Variants in ABHD17C observed in about 807,000 individuals in gnomAD.
ABHD17C encodes abhydrolase domain containing 17C, depalmitoylase, also known as alpha/beta hydrolase domain-containing protein 17C.
A neutral mutation model predicts 27.9 loss-of-function variants in ABHD17C; 11 were observed. That is an observed-to-expected ratio of 0.39 (90% CI 0.25 to 0.65). The LOEUF is 0.65. Among genes scored for constraint, ABHD17C ranks in the 30% least tolerant of loss-of-function variants. The probability of loss-of-function intolerance (pLI) is 0.45; values close to 1 mark genes in which losing one functional copy is unlikely to be tolerated. For synonymous variants in ABHD17C, 233 were observed against 209.1 expected (o/e 1.11, Z -0.98); for missense variants, 280 against 470.2 (o/e 0.60, Z 3.74).
chr15:80,713,992 C>T (rs1894768946), intron 1 of ABHD17C, among the ~76,000 whole-genome samples: 1 of 152,006 alleles, frequency 6.6e-6, no homozygotes, highest in East Asian at 1.9e-4. Context: ...CTTGCTCTGT[C>T]ACCCAGGCTG....
Position 80,754,822 on chromosome 15 carries a change from G to A in ABHD17C, c.*452G>A, listed in dbSNP as rs1895412617. 1.3e-5 allele frequency: 2 copies of A among 155,126 alleles called. No individual in the cohort carries two copies. Among genetic ancestry groups the A allele is most frequent in the Non-Finnish European group, 1.4e-5 (1 of 69,940 alleles). The allele number at this position is 155,126 out of a possible 1,614,324, so 9.6% of individuals were successfully genotyped here. ...CTGTGATAGTGTAACTGGAAAGCTA[G>A]TGTGGTGAAAATTCCTTTATTATTT... is the stretch of plus-strand genomic sequence containing the variant. On this transcript the variant is annotated 3_prime_UTR_variant, in exon 3 of 3. Coordinates refer to ENST00000258884, the MANE Select transcript of ABHD17C (RefSeq NM_021214.2).
intron 2 of ABHD17C, among the ~76,000 whole-genome samples, chr15:80,751,436 A>G (rs1189071886): frequency 6.6e-6 from 1 of 152,208 alleles, no homozygotes. Context: ...TAAGTAATTT[A>G]TTGAATTAAG....
chr15:80,734,982 A>G (rs1343747463), intron 1 of ABHD17C, among the ~76,000 whole-genome samples: 2 of 152,320 alleles, frequency 1.3e-5, no homozygotes, highest in East Asian at 3.9e-4. Flanking sequence ...GCATTATGGT[A>G]TCATCATCTC....
At chr15:80,705,658 T>A (rs1427238222) in intron 1 of ABHD17C, among the ~76,000 whole-genome samples, 1 of 152,160 alleles carries the variant, frequency 6.6e-6, no homozygotes, top group Admixed American at 6.5e-5. Context: ...AGAAGTTGCT[T>A]CTTTTCCCAC....
chr15:80,709,816 A>G (rs1318340395), intron 1 of ABHD17C, among the ~76,000 whole-genome samples: 2 of 152,052 alleles, frequency 1.3e-5, no homozygotes, highest in African/African-American at 2.4e-5. Flanking sequence ...GAATTCTGAA[A>G]TACTCCTTTC....
chr15:80,749,973 T>A (rs1330934893), intron 2 of ABHD17C, among the ~76,000 whole-genome samples: 1 of 152,192 alleles, frequency 6.6e-6, no homozygotes, highest in East Asian at 1.9e-4. Flanking sequence ...ACAGGATTTT[T>A]AACAGCACCC....
chr15:80,742,534 A>G (rs1375582384), intron 1 of ABHD17C, among the ~76,000 whole-genome samples: 1 of 152,156 alleles, frequency 6.6e-6, no homozygotes, highest in Non-Finnish European at 1.5e-5. Context: ...TACCCAGTCT[A>G]CTGATTTAAT....
rs57751486 is a variant in ABHD17C at position 80,723,138 on chromosome 15, A to ATGTGTGTGTGTGTGTGTG, written c.591-26363_591-26346dup. Among the ~76,000 whole-genome samples, 793 of 124,998 alleles carry ATGTGTGTGTGTGTGTGTG rather than the reference A, an allele frequency of 6.3e-3. 2 individuals carry two copies. The highest frequency in any genetic ancestry group is 0.015 in the East Asian group (50 of 3,242). The allele number at this position is 124,998 out of a possible 152,430, so 82.0% of individuals were successfully genotyped here. A position where few individuals can be genotyped will look rare whatever the true frequency, so the allele number is the denominator to read the frequency against. ...TTCCATTGTTTGTGTGTGTGTATAT[A>ATGTGTGTGTGTGTGTGTG]TGTGTGTGTGTGTGTGTGTGTGTGT... On this transcript the variant is annotated intron_variant, in intron 1 of 2. Transcript: ENST00000258884.
chr15:80,722,814 A>G (rs963500451), intron 1 of ABHD17C, among the ~76,000 whole-genome samples: 1 of 152,168 alleles, frequency 6.6e-6, no homozygotes, highest in African/African-American at 2.4e-5. Context: ...ATCACGTAGC[A>G]TGTGTCTTTC....
Position 80,749,573 on chromosome 15 carries a change from G to T in ABHD17C, c.651G>T (p.Thr217=), listed in dbSNP as rs763009248. 1.2e-6 allele frequency: 2 copies of T among 1,613,876 alleles called. No homozygotes were observed. The highest frequency in any genetic ancestry group is 4.5e-5 in the East Asian group (2 of 44,876). Residue 217 remains threonine (T), a synonymous_variant, in exon 2 of 3, where the codon ACG becomes ACT. Coordinates refer to ENST00000258884, the MANE Select transcript of ABHD17C (RefSeq NM_021214.2). The part of the protein sequence containing the change: ...LYGQSIGTVP[T]VDLASRYECA... The stretch of plus-strand genomic sequence containing the variant: ...GTCAGAGCATTGGGACTGTCCCCAC[G>T]GTAGACTTGGCCTCGAGGTATGAAT...
intron 1 of ABHD17C, among the ~76,000 whole-genome samples, chr15:80,741,481 A>C (rs931356906): frequency 6.6e-6 from 1 of 150,582 alleles, no homozygotes; most frequent in Non-Finnish European, 1.5e-5. Flanking sequence ...AGCCCTGTAC[A>C]TGCAGCAAAA....
chr15:80,739,662 T>TC (rs1329742288), intron 1 of ABHD17C, among the ~76,000 whole-genome samples: 7 of 152,202 alleles, frequency 4.6e-5, no homozygotes, highest in African/African-American at 1.7e-4. Context: ...GAGAAAGGCT[T>TC]CCTGAAGCCT....
intron 1 of ABHD17C, among the ~76,000 whole-genome samples, chr15:80,739,769 G>A (rs1461852015): frequency 1.3e-5 from 2 of 152,138 alleles, no homozygotes; most frequent in African/African-American, 2.4e-5. Context: ...TCAGTCTCAG[G>A]TATTCCTTTA....
chr15:80,740,928 A>T (rs1009652016), intron 1 of ABHD17C, among the ~76,000 whole-genome samples: 1 of 152,180 alleles, frequency 6.6e-6, no homozygotes, highest in Non-Finnish European at 1.5e-5. Flanking sequence ...AGTCAGGACC[A>T]CAGATTTCAT....
chr15:80,745,751 C>G (rs1895274039), intron 1 of ABHD17C, among the ~76,000 whole-genome samples: 1 of 152,162 alleles, frequency 6.6e-6, no homozygotes, highest in South Asian at 2.1e-4. Flanking sequence ...ACCCACGTAA[C>G]CAAAAACCGC....
intron 1 of ABHD17C, among the ~76,000 whole-genome samples, chr15:80,725,594 C>T (rs1177237865): frequency 6.6e-6 from 1 of 152,168 alleles, no homozygotes; most frequent in Non-Finnish European, 1.5e-5. Flanking sequence ...CTCATTGCAG[C>T]CGTGAACTTC....
chr15:80,732,008 G>T (rs1219340899), intron 1 of ABHD17C, among the ~76,000 whole-genome samples: 1 of 152,214 alleles, frequency 6.6e-6, no homozygotes, highest in Non-Finnish European at 1.5e-5. Context: ...TGCACTCATT[G>T]TATGGAATGT....
intron 1 of ABHD17C, chr15:80,703,385 A>C (rs1453811618): frequency 6.6e-6 from 1 of 152,200 alleles, no homozygotes; most frequent in African/African-American, 2.4e-5. Context: ...AAGACACTTC[A>C]CACTTCTGGG....
Position 80,695,591 on chromosome 15 carries a change from G to C in ABHD17C, c.162G>C (p.Ala54=). 1.8e-6 allele frequency: 2 copies of C among 1,106,156 alleles called. No homozygotes were observed. The highest frequency in any genetic ancestry group is 4.0e-4 in the Middle Eastern group (1 of 2,530). 68.5% of individuals were successfully genotyped at this position (1,106,156 alleles called of 1,614,324 possible). The change falls in exon 1 of 3, where the codon GCG becomes GCC. Residue 54 remains alanine, a synonymous_variant. Coordinates refer to ENST00000258884, the MANE Select transcript of ABHD17C (RefSeq NM_021214.2). This position sits in a 1 kb window ranked among gnomAD's most constrained non-coding sequence, Gnocchi z 4.3. ...VLAPEQRGAG[A]SAPAPAQATA... is the part of the protein sequence containing the mutation. ...CGCCGGAGCAGCGCGGCGCCGGCGC[G>C]TCCGCCCCGGCCCCGGCCCAGGCTA...
Sources: allele counts gnomAD v4.1 joint callset (sites outside exome capture counted in the v4.1 genomes callset), GRCh38; gene constraint gnomAD v4.1.1; non-coding constraint Gnocchi (gnomAD v3.1); transcripts MANE v1.5; gene names NCBI Gene and HGNC (gene_info 2026-07-23, HGNC 2026-07-21).